Variants in VBP1 observed in about 807,000 individuals in gnomAD.
VBP1 encodes the protein VHL binding protein 1.
Under a neutral mutation model 15.5 loss-of-function variants are expected in VBP1, and 4 were observed. The ratio of observed to expected loss-of-function variants is 0.26; its 90% CI spans 0.13 to 0.59. VBP1 has a LOEUF of 0.59. Ranked by LOEUF, VBP1 falls within the 20% of genes least tolerant of loss-of-function variation. VBP1 has a pLI of 0.90. For missense variants in VBP1, 108 were observed against 139.6 expected (o/e 0.77, Z 1.14); for synonymous variants, 61 against 52.1 (o/e 1.17, Z -0.74).
At chrX:155,232,571 A>G (rs2074752591) in intron 4 of VBP1, among the ~76,000 whole-genome samples, 1 of 112,342 alleles carries the variant, frequency 8.9e-6, no homozygotes, top group East Asian at 2.8e-4. Context: ...GCCAGTAAAC[A>G]TATGAAAAGT....
chrX:155,236,461 A>C, intron 5 of VBP1, 94 bp downstream of exon 5: 1 of 1,000,383 alleles, frequency 1.0e-6, no homozygotes, highest in Non-Finnish European at 1.3e-6. Context: ...CATTAGGAAA[A>C]ATAGCTGATG....
intron 1 of VBP1, among the ~76,000 whole-genome samples, chrX:155,198,529 CA>C (rs2074587755): frequency 8.9e-6 from 1 of 111,734 alleles, no homozygotes; most frequent in Non-Finnish European, 1.9e-5. Context: ...CAAACTCCAA[CA>C]GACCTGCAGC....
At chrX:155,209,395 G>C (rs1308583080) in intron 2 of VBP1, among the ~76,000 whole-genome samples, 1 of 112,082 alleles carries the variant, frequency 8.9e-6, no homozygotes, top group South Asian at 3.7e-4. Flanking sequence ...GTGAGAAAGC[G>C]TGCTCCAGAT....
intron 1 of VBP1, among the ~76,000 whole-genome samples, chrX:155,201,126 C>G (rs1169346770): frequency 4.5e-5 from 5 of 110,755 alleles, no homozygotes; most frequent in African/African-American, 1.6e-4. Context: ...CAATAGCTTA[C>G]CAACCAAAAA....
chrX:155,226,908 A>C (rs2124085006), intron 2 of VBP1, among the ~76,000 whole-genome samples: 1 of 111,910 alleles, frequency 8.9e-6, no homozygotes, highest in East Asian at 2.8e-4. Flanking sequence ...TATTTGACAT[A>C]ATAGAACAGA....
upstream of VBP1, chrX:155,216,227 G>C: frequency 2.0e-6 from 1 of 493,132 alleles, no homozygotes; most frequent in Non-Finnish European, 3.1e-6. Context: ...CCAGGAGGAC[G>C]TATGGGTTTT....
At chrX:155,231,420 T>C (rs2074745941) in intron 4 of VBP1, among the ~76,000 whole-genome samples, 1 of 112,622 alleles carries the variant, frequency 8.9e-6, no homozygotes, top group African/African-American at 3.2e-5. Flanking sequence ...TTGGTTTCAC[T>C]TGTACTGTTT....
At chrX:155,222,806 T>G (rs928381490) in intron 2 of VBP1, among the ~76,000 whole-genome samples, 5 of 110,697 alleles carry the variant, frequency 4.5e-5, no homozygotes, top group Non-Finnish European at 9.5e-5. Context: ...AGATAGTGAG[T>G]TAGGAAAATT....
intron 1 of VBP1, among the ~76,000 whole-genome samples, chrX:155,208,261 T>G (rs1257505902): frequency 8.9e-6 from 1 of 112,255 alleles, no homozygotes; most frequent in Non-Finnish European, 1.9e-5. Context: ...CTTTTGAATA[T>G]AATTTAAAAT....
upstream of VBP1, among the ~76,000 whole-genome samples, chrX:155,211,482 C>A (rs782794520): frequency 8.9e-6 from 1 of 111,915 alleles, no homozygotes; most frequent in Admixed American, 9.4e-5. Context: ...AAGTCCATAC[C>A]CTTAAGTATT....
chrX:155,232,242 T>C lies in VBP1; in HGVS notation c.384+3760T>C, dbSNP rs1442926151. On this transcript the variant is annotated intron_variant, in intron 4 of 5. Transcript: ENST00000286428. ...GGATTCTTTTTCTTTTTTTTTTTGA[T>C]AGACATTTAGGTCTTCTTTATATAT... is the stretch of plus-strand genomic sequence containing the variant. Among the ~76,000 whole-genome samples the C allele has an allele frequency of 4.6e-5, 5 of 109,296 alleles. No homozygotes were observed. In the Admixed American group the frequency reaches 4.9e-4, roughly 11 times the overall value. The allele number at this position is 109,296 out of a possible 115,157, so 94.9% of individuals were successfully genotyped here.
intron 4 of VBP1, among the ~76,000 whole-genome samples, chrX:155,231,539 G>A (rs1557310866): frequency 8.9e-6 from 1 of 112,157 alleles, no homozygotes; most frequent in Admixed American, 9.5e-5. Flanking sequence ...AATTTTTCTT[G>A]GGTGAATGAC....
At chrX:155,216,887 C>T (rs1343790843) in intron 1 of VBP1, among the ~76,000 whole-genome samples, 5 of 112,391 alleles carry the variant, frequency 4.4e-5, no homozygotes, top group Non-Finnish European at 7.5e-5. Flanking sequence ...CGGTTTTCGT[C>T]CCCCTGCTGG....
upstream of VBP1, chrX:155,213,009 G>C (rs2074649840): frequency 8.9e-6 from 1 of 112,306 alleles, no homozygotes; most frequent in Non-Finnish European, 1.9e-5. Flanking sequence ...ACAACCCAGG[G>C]TAGTGAGTAT....
chrX:155,238,618 T>C (rs1470784337), intron 5 of VBP1, among the ~76,000 whole-genome samples, 154 bp from the exon 6 acceptor site: 1 of 112,542 alleles, frequency 8.9e-6, no homozygotes, highest in Non-Finnish European at 1.9e-5. Context: ...CAATTGACAT[T>C]ATAGCAGGAT....
At chrX:155,212,293 G>A (rs1411171323), upstream of VBP1, among the ~76,000 whole-genome samples, 4 of 112,070 alleles carry the variant, frequency 3.6e-5, no homozygotes, top group Non-Finnish European at 7.5e-5. Flanking sequence ...CATGAAAGCA[G>A]AGTTTGAACC....
chrX:155,221,477 G>A (rs782807630), intron 2 of VBP1, among the ~76,000 whole-genome samples: 1 of 111,553 alleles, frequency 9.0e-6, no homozygotes. Flanking sequence ...CTCCAGCCTC[G>A]GCAAAAGTGC....
rs7065575 is a variant in VBP1 at position 155,204,360 on chromosome X, C to A, written c.-30-4514C>A. On this transcript the variant is annotated intron_variant, in intron 1 of 6. Coordinates refer to the VBP1 transcript ENST00000535916. ...TAGAGATGGGGTTTCGCCATGTTGG[C>A]CAGGCTGGTCTTGAACTCCTGACCT... 8.8e-3 allele frequency among the ~76,000 whole-genome samples: 973 copies of A among 110,947 alleles called. 7 individuals carry two copies. Among genetic ancestry groups the A allele is most frequent in the African/African-American group, 0.03 (915 of 30,448 alleles).
At chrX:155,208,623 T>TC (rs1171531493) in intron 1 of VBP1, among the ~76,000 whole-genome samples, 1 of 111,893 alleles carries the variant, frequency 8.9e-6, no homozygotes, top group Non-Finnish European at 1.9e-5. Flanking sequence ...CATCCCTGCT[T>TC]TTCAATAACT....
Sources: allele counts gnomAD v4.1 joint callset (sites outside exome capture counted in the v4.1 genomes callset), GRCh38; gene constraint gnomAD v4.1.1; transcripts MANE v1.5; gene names NCBI Gene and HGNC (gene_info 2026-07-23, HGNC 2026-07-21).